The following RUSC2 variants were observed in gnomAD, a reference collection of about 807,000 sequenced individuals.
RUSC2 encodes RUN and SH3 domain containing 2.
Under a neutral mutation model 122.2 loss-of-function variants are expected in RUSC2, and 34 were observed. That is an observed-to-expected ratio of 0.28 (90% CI 0.21 to 0.37). RUSC2 has a LOEUF of 0.37. RUSC2 is among the 10% of genes least tolerant of loss of function. The pLI is 1.00. For synonymous variants in RUSC2, 784 were observed against 790.0 expected (o/e 0.99, Z 0.13); for missense variants, 1,747 against 1,952.4 (o/e 0.89, Z 1.98).
At chr9:35,523,787 C>G (rs1417704688) in intron 1 of RUSC2, among the ~76,000 whole-genome samples, 1 of 151,110 alleles carries the variant, frequency 6.6e-6, no homozygotes. Context: ...TGCATTCCAG[C>G]CTGGGCAACA....
chr9:35,550,860 G>T (rs1821877401), intron 2 of RUSC2, among the ~76,000 whole-genome samples: 1 of 151,932 alleles, frequency 6.6e-6, no homozygotes, highest in African/African-American at 2.4e-5. Flanking sequence ...CGGGTCACCT[G>T]AGGTCAGGAG....
chr9:35,505,368 C>T (rs908701474), intron 1 of RUSC2, among the ~76,000 whole-genome samples: 2 of 152,150 alleles, frequency 1.3e-5, no homozygotes, highest in African/African-American at 4.8e-5. Flanking sequence ...GAGATCCCTT[C>T]CTTAGTCCCC....
chr9:35,549,017 A>G, intron 2 of RUSC2: 1 of 956,396 alleles, frequency 1.0e-6, no homozygotes, highest in Non-Finnish European at 1.2e-6. Flanking sequence ...GGGCAGACAG[A>G]GTGAGATTCT....
At chr9:35,559,997 G>C (rs765389898) in intron 9 of RUSC2, 32 bp from the exon 10 acceptor site, 1 of 1,538,026 alleles carries the variant, frequency 6.5e-7, no homozygotes. Context: ...CTGGTTCTCT[G>C]TGTGGATCAG....
intron 1 of RUSC2, among the ~76,000 whole-genome samples, chr9:35,537,588 C>T (rs1306228773): frequency 6.6e-6 from 1 of 152,188 alleles, no homozygotes; most frequent in Non-Finnish European, 1.5e-5. Flanking sequence ...CTACAATTGA[C>T]TCAGCTCAGC....
At chr9:35,539,921 G>A (rs1446119045) in intron 1 of RUSC2, among the ~76,000 whole-genome samples, 1 of 152,178 alleles carries the variant, frequency 6.6e-6, no homozygotes, top group Admixed American at 6.5e-5. Context: ...TGCTAGAGAA[G>A]AGCAATTGAA....
At chr9:35,537,884 C>A (rs572002939) in intron 1 of RUSC2, among the ~76,000 whole-genome samples, 1 of 152,194 alleles carries the variant, frequency 6.6e-6, no homozygotes, top group African/African-American at 2.4e-5. Context: ...ACAAAGTGGA[C>A]GGAGACCTCA....
intron 1 of RUSC2, among the ~76,000 whole-genome samples, chr9:35,523,829 A>T (rs111848514): frequency 0.012 from 1,811 of 151,986 alleles, 33 homozygotes; most frequent in African/African-American, 0.038. Flanking sequence ...AATTAAAAAA[A>T]AAAAATAAAA....
At chr9:35,537,228 T>C (rs1395315436) in intron 1 of RUSC2, among the ~76,000 whole-genome samples, 1 of 152,162 alleles carries the variant, frequency 6.6e-6, no homozygotes, top group African/African-American at 2.4e-5. Context: ...AATGCATGAC[T>C]TAGCCTCGCA....
At position 35,560,469 on chromosome 9, in the gene RUSC2, A is replaced by T; in HGVS notation, c.3829A>T (p.Ser1277Cys). The change falls in exon 10 of 12, where the codon AGC (serine) becomes TGC (cysteine). Residue 1277 changes from serine (S) to cysteine (C), a missense_variant. Physicochemically the swap from Ser to Cys is moderately radical, Grantham distance 112. Transcript: ENST00000361226. ...CGGCTGGTGGTACCAGCTCATGCAGAGCTCCCAGGTCTACATCGATGGCTC... is the reference window on the plus strand; with the variant it reads ...CGGCTGGTGGTACCAGCTCATGCAGTGCTCCCAGGTCTACATCGATGGCTC... ...QAGWWYQLMQ[S>C]SQVYIDGSIE... is the part of the protein sequence containing the mutation. 6.2e-7 allele frequency: 1 copy of T among 1,614,130 alleles called. No individual in the cohort carries two copies. The highest frequency in any genetic ancestry group is 8.5e-7 in the Non-Finnish European group (1 of 1,179,980).
intron 1 of RUSC2, among the ~76,000 whole-genome samples, chr9:35,499,430 T>G (rs1433795352): frequency 6.6e-6 from 1 of 152,232 alleles, no homozygotes; most frequent in Non-Finnish European, 1.5e-5. Flanking sequence ...CCTCTGTTCC[T>G]TGGAATTGTT....
In RUSC2 at chr9:35,558,861, A is replaced by G. The variant is rs1822081210; in HGVS notation, c.3341+294A>G. On this transcript the variant is annotated intron_variant, in intron 8 of 11. Transcript: ENST00000361226. This position sits in a 1 kb window ranked among gnomAD's most constrained non-coding sequence, Gnocchi z 4.3. Reference sequence around the variant, plus strand: ...AAACCCTGATCCTCTCCATTCCAGCACTACTTCCAAATCCTGCTTGACCCT... The same window carrying G: ...AAACCCTGATCCTCTCCATTCCAGCGCTACTTCCAAATCCTGCTTGACCCT... 6.6e-6 allele frequency among the ~76,000 whole-genome samples: 1 copy of G among 152,202 alleles called. No homozygotes were observed. Among genetic ancestry groups the G allele is most frequent in the African/African-American group, 2.4e-5 (1 of 41,450 alleles).
At position 35,525,189 on chromosome 9, in the gene RUSC2, C is replaced by T. The variant is rs544648858; in HGVS notation, c.-92-21241C>T. On this transcript the variant is annotated intron_variant, in intron 1 of 11. Transcript: ENST00000361226. Reference sequence around the variant, plus strand: ...TCAGTTTCTGCAGAGAAATAATCTACCAGGGGTAGGGTGGGATAAATAAGT... The same window carrying T: ...TCAGTTTCTGCAGAGAAATAATCTATCAGGGGTAGGGTGGGATAAATAAGT... 5.8e-4 allele frequency among the ~76,000 whole-genome samples: 89 copies of T among 152,182 alleles called. 1 individual carries two copies. Among genetic ancestry groups the T allele is most frequent in the African/African-American group, 2.0e-3 (83 of 41,498 alleles).
chr9:35,561,462 C>A lies in RUSC2; in HGVS notation c.*80C>A. ...CCGAGAGCCCTTCCCAAGCCATTGG[C>A]TTGGCTGCAGAGTAGACTGAGAGCT... is the stretch of plus-strand genomic sequence containing the variant. On this transcript the variant is annotated 3_prime_UTR_variant, in exon 12 of 12. Transcript: ENST00000361226. The A allele has an allele frequency of 2.4e-6, 3 of 1,247,528 alleles. No individual in the cohort carries two copies. Among genetic ancestry groups the A allele is most frequent in the Non-Finnish European group, 2.3e-6 (2 of 887,630 alleles). The allele number at this position is 1,247,528 out of a possible 1,614,324, so 77.3% of individuals were successfully genotyped here. A position where few individuals can be genotyped will look rare whatever the true frequency, so the allele number is the denominator to read the frequency against.
intron 1 of RUSC2, among the ~76,000 whole-genome samples, chr9:35,541,732 C>T (rs1038425304): frequency 4.6e-5 from 7 of 151,664 alleles, no homozygotes; most frequent in Non-Finnish European, 1.0e-4. Context: ...GGTGTGAGCC[C>T]CCATGCTAGG....
chr9:35,537,430 C>T (rs367909787), intron 1 of RUSC2, among the ~76,000 whole-genome samples: 31 of 152,198 alleles, frequency 2.0e-4, no homozygotes, highest in African/African-American at 6.5e-4. Flanking sequence ...TTGAGATGAC[C>T]GCTAATGGTT....
chr9:35,537,253 A>G (rs781396150), intron 1 of RUSC2, among the ~76,000 whole-genome samples: 1 of 152,186 alleles, frequency 6.6e-6, no homozygotes, highest in Non-Finnish European at 1.5e-5. Context: ...TTTCAGAGTC[A>G]AAGACCCTGG....
chr9:35,522,015 C>A (rs1369968704), intron 1 of RUSC2, among the ~76,000 whole-genome samples: 1 of 152,216 alleles, frequency 6.6e-6, no homozygotes. Flanking sequence ...TAGACACCCA[C>A]AGGAATCACT....
At position 35,546,951 on chromosome 9, in the gene RUSC2, T is replaced by C. The variant is rs1315450924; in HGVS notation, c.430T>C (p.Ser144Pro). Residue 144 changes from serine to proline, a missense_variant, in exon 2 of 12, where the codon TCC (serine) becomes CCC (proline). Ser to Pro is a moderately conservative substitution (Grantham distance 74). Transcript: ENST00000361226. This position sits in a 1 kb window ranked among gnomAD's most constrained non-coding sequence, Gnocchi z 4.3. ...HGTGQPNFHL[S>P]SFQLPPSGPR... ...CACTGGCCAGCCCAACTTTCATCTA[T>C]CCTCTTTCCAGCTGCCACCATCTGG... 6.3e-7 allele frequency: 1 copy of C among 1,576,816 alleles called. No homozygotes were observed. Among genetic ancestry groups the C allele is most frequent in the Admixed American group, 1.8e-5 (1 of 57,092 alleles).
Sources: gnomAD v4.1 joint callset for allele counts (sites outside exome capture counted in the v4.1 genomes callset) on GRCh38, gnomAD v4.1.1 for gene constraint, Gnocchi (gnomAD v3.1) non-coding constraint, MANE v1.5 for transcripts, NCBI Gene and HGNC (gene_info 2026-07-23, HGNC 2026-07-21) for gene names.